The following RNPC3 variants were observed in gnomAD, a reference collection of about 807,000 sequenced individuals.
The protein encoded by RNPC3 is RNA binding region (RNP1, RRM) containing 3, also known as RNA-binding region-containing protein 3.
RNPC3 carries 48 observed loss-of-function variants against 67.5 expected under a neutral mutation model. The ratio of observed to expected loss-of-function variants is 0.71; its 90% CI spans 0.56 to 0.90. The LOEUF (loss-of-function observed/expected upper bound fraction) is 0.90, where lower values mean the gene tolerates loss of function less well. Ranked by LOEUF, RNPC3 falls within the 40% of genes least tolerant of loss-of-function variation. RNPC3 has a pLI of 0.00. For missense variants in RNPC3, 637 were observed against 626.1 expected (o/e 1.02, Z -0.19); for synonymous variants, 239 against 210.3 (o/e 1.14, Z -1.18).
intron 4 of RNPC3, among the ~76,000 whole-genome samples, 179 bp from the exon 5 acceptor site, chr1:103,535,151 T>TTGTAAA (rs1650950036): frequency 6.6e-6 from 1 of 152,052 alleles, no homozygotes; most frequent in Non-Finnish European, 1.5e-5. Context: ...GATAAACCTC[T>TTGTAAA]GCCAAGAAAT....
chr1:103,531,904 A>C (rs1650867836), intron 2 of RNPC3, among the ~76,000 whole-genome samples: 1 of 152,162 alleles, frequency 6.6e-6, no homozygotes, highest in African/African-American at 2.4e-5. Context: ...GTCTTTGCCT[A>C]AGCCAATGTC....
Position 103,535,507 on chromosome 1 carries a change from G to T in RNPC3, c.555+66G>T, listed in dbSNP as rs1322308312. 7 of 972,358 alleles carry T rather than the reference G, an allele frequency of 7.2e-6. No homozygotes were observed. In the African/African-American group the frequency reaches 1.1e-4, roughly 16 times the overall value. The allele number at this position is 972,358 out of a possible 1,614,324, so 60.2% of individuals were successfully genotyped here. The stretch of plus-strand genomic sequence containing the variant: ...AGCTTGATACTTTATTTTTCATGCT[G>T]ATTCTCATAAAAGTAATCAGACTAA... On this transcript the variant is annotated intron_variant, in intron 5 of 14. Coordinates refer to ENST00000423855, the MANE Select transcript of RNPC3 (RefSeq NM_017619.4).
chr1:103,535,162 G>T (rs1248419656), intron 4 of RNPC3, among the ~76,000 whole-genome samples, 168 bp from the exon 5 acceptor site: 2 of 151,974 alleles, frequency 1.3e-5, no homozygotes, highest in African/African-American at 2.4e-5. Context: ...GCCAAGAAAT[G>T]CAGTAGCTTA....
At chr1:103,542,633 C>A (rs1651148748) in intron 8 of RNPC3, among the ~76,000 whole-genome samples, 1 of 151,772 alleles carries the variant, frequency 6.6e-6, no homozygotes, top group Admixed American at 6.6e-5. Context: ...TTGTTATAGT[C>A]CAGAAGTTGC....
chr1:103,529,071 A>G (rs1424325775), intron 2 of RNPC3, among the ~76,000 whole-genome samples: 1 of 152,340 alleles, frequency 6.6e-6, no homozygotes, highest in African/African-American at 2.4e-5. Flanking sequence ...GTACATGAAT[A>G]AAGTTGTGAA....
Position 103,536,112 on chromosome 1 carries a change from CTTACCACT to C in RNPC3, c.556-10_556-3del, listed in dbSNP as rs1428901231. On this transcript the variant is annotated splice_region_variant and splice_polypyrimidine_tract_variant and intron_variant, in intron 5 of 14. Coordinates refer to ENST00000423855, the MANE Select transcript of RNPC3 (RefSeq NM_017619.4). ...TCATTTTATATGTGAATTTAAATGT[CTTACCACT>C]TTAAGGTCCTTCATCTTATGAATAA... 1 of 1,522,708 alleles carries C rather than the reference CTTACCACT, an allele frequency of 6.6e-7. No individual in the cohort carries two copies. Among genetic ancestry groups the C allele is most frequent in the South Asian group, 1.2e-5 (1 of 83,620 alleles). 94.3% of individuals were successfully genotyped at this position (1,522,708 alleles called of 1,614,324 possible).
rs1218166178 is a variant in RNPC3 at position 103,533,818 on chromosome 1, A to G, written c.320A>G (p.His107Arg). The G allele has an allele frequency of 3.9e-6, 6 of 1,530,972 alleles. No individual in the cohort carries two copies. In the Admixed American group the frequency reaches 1.2e-4, roughly 30 times the overall value. The allele number at this position is 1,530,972 out of a possible 1,614,324, so 94.8% of individuals were successfully genotyped here. Residue 107 changes from histidine to arginine, a missense_variant, in exon 3 of 15, where the codon CAC (histidine) becomes CGC (arginine). This residue lies in a region of RNPC3 where 536 missense variants were observed against 500.3 expected (regional missense o/e 1.07). Transcript: ENST00000423855. ...TTTGCAAAAGAGCAAGATCGAGTTC[A>G]CTCCCCATGTCCCACTTCAGGCTCT... The part of the protein sequence containing the change: ...VEFAKEQDRV[H>R]SPCPTSGSEK...
rs145498005 is a variant in RNPC3 at position 103,545,208 on chromosome 1, C to G, written c.1207+106C>G. On this transcript the variant is annotated intron_variant, in intron 10 of 14. Coordinates refer to ENST00000423855, the MANE Select transcript of RNPC3 (RefSeq NM_017619.4). ...CATTTACCTTAATTTAAGGCACATACTTTAAAACATCTCTCCAATTAATGT... is the reference window on the plus strand; with the variant it reads ...CATTTACCTTAATTTAAGGCACATAGTTTAAAACATCTCTCCAATTAATGT... 869 of 830,856 alleles carry G rather than the reference C, an allele frequency of 1.0e-3. 8 individuals carry two copies. In the East Asian group the frequency reaches 0.022, roughly 21 times the overall value. 51.5% of individuals were successfully genotyped at this position (830,856 alleles called of 1,614,324 possible). A position where few individuals can be genotyped will look rare whatever the true frequency, so the allele number is the denominator to read the frequency against.
chr1:103,539,967 A>G (rs1330532744), intron 7 of RNPC3, among the ~76,000 whole-genome samples: 3 of 152,140 alleles, frequency 2.0e-5, no homozygotes, highest in Admixed American at 6.6e-5. Context: ...GGCTCAAGCA[A>G]TCTGCCCGCA....
At chr1:103,547,457 C>A (rs1488640715) in intron 12 of RNPC3, among the ~76,000 whole-genome samples, 1 of 152,112 alleles carries the variant, frequency 6.6e-6, no homozygotes, top group African/African-American at 2.4e-5. Flanking sequence ...CCTGGAAAGC[C>A]TGGCAAAACA....
chr1:103,543,430 G>A lies in RNPC3; in HGVS notation c.1028G>A (p.Cys343Tyr). Residue 343 changes from cysteine to tyrosine, a missense_variant, in exon 9 of 15, where the codon TGT becomes TAT. Transcript: ENST00000423855. The stretch of plus-strand genomic sequence containing the variant: ...AAAGATTTAGAAAAGGAACAAAATT[G>A]TGAGGAAAAAAATCATGGTAAGGAT... ...FKKDLEKEQN[C>Y]EEKNHDLPAT... The A allele has an allele frequency of 8.0e-6, 12 of 1,506,926 alleles. No individual in the cohort carries two copies. The highest frequency in any genetic ancestry group is 1.1e-5 in the Non-Finnish European group (12 of 1,134,602). The allele number at this position is 1,506,926 out of a possible 1,614,324, so 93.3% of individuals were successfully genotyped here.
chr1:103,526,152 A>T lies in RNPC3; in HGVS notation c.82A>T (p.Thr28Ser). Residue 28 changes from threonine to serine, a missense_variant, in exon 1 of 15, where the codon ACC becomes TCC. Thr to Ser is a moderately conservative substitution (Grantham distance 58, BLOSUM62 1). Coordinates refer to ENST00000423855, the MANE Select transcript of RNPC3 (RefSeq NM_017619.4). ...SSLSPPRGDR[T>S]LLVRHLPAEL... Reference sequence around the variant, plus strand: ...GCTTTCCCCGCCTCGGGGCGACCGAACCCTTCTGGTCAGGCACCTGCCGGC... The same window carrying T: ...GCTTTCCCCGCCTCGGGGCGACCGATCCCTTCTGGTCAGGCACCTGCCGGC... 6.4e-7 allele frequency: 1 copy of T among 1,551,316 alleles called. No individual in the cohort carries two copies. Among genetic ancestry groups the T allele is most frequent in the Non-Finnish European group, 8.7e-7 (1 of 1,146,826 alleles).
chr1:103,543,762 G>A lies in RNPC3; in HGVS notation c.1045+315G>A, dbSNP rs148659341. On this transcript the variant is annotated intron_variant, in intron 9 of 14. Transcript: ENST00000423855. ...ACTTTTTCATTTCTTGTTTCATGCC[G>A]TGGCCTATGGTTTTATTAGTGTAAC... 8.4e-4 allele frequency among the ~76,000 whole-genome samples: 128 copies of A among 151,556 alleles called. 1 individual carries two copies. The highest frequency in any genetic ancestry group is 2.9e-3 in the African/African-American group (120 of 41,434).
At chr1:103,546,737 C>T (rs1254476857) in intron 11 of RNPC3, 4 of 389,888 alleles carry the variant, frequency 1.0e-5, no homozygotes, top group South Asian at 6.3e-5. Context: ...CAGAAGCTGG[C>T]GAACTTTCAC....
intron 14 of RNPC3, chr1:103,554,058 T>G (rs1380290167): frequency 6.6e-6 from 1 of 152,130 alleles, no homozygotes; most frequent in Non-Finnish European, 1.5e-5. Flanking sequence ...ATCTGGAACT[T>G]AAATACTAAT....
At chr1:103,551,651 A>G in intron 13 of RNPC3, 70 bp from the exon 14 acceptor site, 1 of 1,036,880 alleles carries the variant, frequency 9.6e-7, no homozygotes, top group Non-Finnish European at 1.4e-6. Context: ...TACACTAGAA[A>G]GTTTTTGAGA....
rs1390131047 is a variant in RNPC3 at position 103,534,792 on chromosome 1, A to G, written c.378A>G (p.Glu126=). 1 of 1,530,952 alleles carries G rather than the reference A, an allele frequency of 6.5e-7. No individual in the cohort carries two copies. Among genetic ancestry groups the G allele is most frequent in the East Asian group, 2.5e-5 (1 of 40,684 alleles). 94.8% of individuals were successfully genotyped at this position (1,530,952 alleles called of 1,614,324 possible). Reference sequence around the variant, plus strand: ...GTCCCAGGTCTGATGACCCTGTCGAAGATGATAAAGAAAAAAAAGAACTTG... The same window carrying G: ...GTCCCAGGTCTGATGACCCTGTCGAGGATGATAAAGAAAAAAAAGAACTTG... ...EKKKRSDDPV[E]DDKEKKELGY... Residue 126 remains glutamate (E), a synonymous_variant, in exon 4 of 15, where the codon GAA becomes GAG. Coordinates refer to ENST00000423855, the MANE Select transcript of RNPC3 (RefSeq NM_017619.4).
At chr1:103,540,827 T>A (rs1651108455) in intron 7 of RNPC3, among the ~76,000 whole-genome samples, 1 of 152,218 alleles carries the variant, frequency 6.6e-6, no homozygotes, top group Non-Finnish European at 1.5e-5. Context: ...TTCCTGAAAC[T>A]ACTTCAGAGC....
chr1:103,541,204 A>G (rs1466902157), intron 7 of RNPC3, 146 bp from the exon 8 acceptor site: 1 of 480,664 alleles, frequency 2.1e-6, no homozygotes, highest in Non-Finnish European at 3.4e-6. Flanking sequence ...CTCTTAATTG[A>G]TGGTGTTCTA....
Sources: allele counts gnomAD v4.1 joint callset (sites outside exome capture counted in the v4.1 genomes callset), GRCh38; gene constraint gnomAD v4.1.1; regional missense constraint gnomAD v4.1.1; transcripts MANE v1.5; gene names NCBI Gene and HGNC (gene_info 2026-07-23, HGNC 2026-07-21).